NXF1: variants seen among roughly 807,000 people sequenced by gnomAD.
The protein encoded by NXF1 is mRNA export factor TAP.
Under a neutral mutation model 92.4 loss-of-function variants are expected in NXF1, and 43 were observed. The observed-to-expected ratio is 0.47, with a 90% CI of 0.36 to 0.60. The LOEUF is 0.60. Ranked by LOEUF, NXF1 falls within the 20% of genes least tolerant of loss-of-function variation. NXF1 has a pLI of 0.00. For synonymous variants in NXF1, 288 were observed against 292.2 expected, an observed-to-expected ratio of 0.99 and a Z score of 0.15; for missense variants, 576 against 793.0, an observed-to-expected ratio of 0.73 and a Z score of 3.29.
chr11:62,797,411 C>G, intron 11 of NXF1, 25 bp from the exon 12 acceptor site: 1 of 1,608,098 alleles, frequency 6.2e-7, no homozygotes, highest in South Asian at 1.1e-5. Flanking sequence ...TAAAAGTTGA[C>G]AGTGTAGACT....
In NXF1 at chr11:62,794,356, C is replaced by G; in HGVS notation, c.1662G>C (p.Thr554=). 6.2e-7 allele frequency: 1 copy of G among 1,614,134 alleles called. No individual in the cohort carries two copies. Among genetic ancestry groups the G allele is most frequent in the Non-Finnish European group, 8.5e-7 (1 of 1,180,002 alleles). Residue 554 remains threonine, a synonymous_variant, in exon 19 of 21, where the codon ACG becomes ACC. Coordinates refer to ENST00000294172, the MANE Select transcript of NXF1 (RefSeq NM_006362.5). ...IQRAFAMPAP[T]PSSSPVPTLS... ...GGGTGGGCACCGGGCTGGAGGAAGG[C>G]GTGGGTGCAGGCATAGCGAAGGCTC...
At position 62,793,819 on chromosome 11, in the gene NXF1, T is replaced by TAA. The variant is rs56389050; in HGVS notation, c.1760+437_1760+438dup. Among the ~76,000 whole-genome samples the TAA allele has an allele frequency of 2.1e-3, 180 of 86,492 alleles. 1 individual carries two copies. Among genetic ancestry groups the TAA allele is most frequent in the African/African-American group, 4.5e-3 (94 of 20,918 alleles). The allele number at this position is 86,492 out of a possible 152,430, so 56.7% of individuals were successfully genotyped here. ...CAACATGATGAAAGCCCGTCTCTAC[T>TAA]AAAAAAAAAAAAAAAAAAAAAAAAT... is the stretch of plus-strand genomic sequence containing the variant. On this transcript the variant is annotated intron_variant, in intron 19 of 20. Coordinates refer to ENST00000294172, the MANE Select transcript of NXF1 (RefSeq NM_006362.5).
chr11:62,802,095 G>A, intron 4 of NXF1, 49 bp from the exon 5 acceptor site: 1 of 1,605,126 alleles, frequency 6.2e-7, no homozygotes, highest in Non-Finnish European at 8.5e-7. Flanking sequence ...AGCCCTTGGG[G>A]AGGGGCATTA....
At position 62,792,737 on chromosome 11, in the gene NXF1, T is replaced by G. The variant is rs1469197439; in HGVS notation, c.1761-36A>C. ...AGAACAGGCAGCTCTGTAAGAACTC[T>G]GACTCGTAAATGCCAGCTGAAAGTC... On this transcript the variant is annotated intron_variant, in intron 19 of 20. Coordinates refer to ENST00000294172, the MANE Select transcript of NXF1 (RefSeq NM_006362.5). 1.9e-6 allele frequency: 3 copies of G among 1,609,282 alleles called. No individual in the cohort carries two copies. In the African/African-American group the frequency reaches 4.0e-5, roughly 22 times the overall value.
intron 10 of NXF1, chr11:62,799,984 G>A (rs897583049): frequency 4.0e-6 from 4 of 1,004,942 alleles, no homozygotes; most frequent in Non-Finnish European, 4.7e-6. Context: ...AGGTAGGGAG[G>A]GCTTCCTCAA....
intron 10 of NXF1, chr11:62,798,910 G>T: frequency 8.9e-7 from 1 of 1,117,346 alleles, no homozygotes; most frequent in Non-Finnish European, 1.1e-6. Context: ...CCCGGGAGGA[G>T]GGAATGGGGT....
In NXF1 at chr11:62,803,834, T is replaced by C. The variant is rs768745939; in HGVS notation, c.173A>G (p.Asp58Gly). 26 of 1,614,130 alleles carry C rather than the reference T, an allele frequency of 1.6e-5. No individual in the cohort carries two copies. Among genetic ancestry groups the C allele is most frequent in the Non-Finnish European group, 2.1e-5 (25 of 1,180,016 alleles). ...RSSRLEEDDG[D>G]VAMSDAQDGP... The stretch of plus-strand genomic sequence containing the variant: ...ATCCTGGGCATCACTCATTGCCACA[T>C]CTCCATCATCTTCCTCAAGGCGGGA... The change falls in exon 2 of 21, where the codon GAT becomes GGT. Residue 58 changes from aspartate to glycine, a missense_variant. Around this residue, in one of 2 missense-constraint regions of NXF1, gnomAD observed 151 missense variants for 157.8 expected, o/e 0.96. Transcript: ENST00000294172.
rs774256739 is a variant in NXF1, at chr11:62,801,444, G to A, written c.710-27C>T. ...TTCAGGAAGCAGAAGGGAAGGAAAG[G>A]GAAGACTGAGAGGGTTTGCCCATGC... On this transcript the variant is annotated intron_variant, in intron 7 of 20. Coordinates refer to ENST00000294172, the MANE Select transcript of NXF1 (RefSeq NM_006362.5). 21 of 1,612,780 alleles carry A rather than the reference G, an allele frequency of 1.3e-5. No individual in the cohort carries two copies. The East Asian group carries it at 2.7e-4, about 21-fold the overall frequency.
chr11:62,800,567 T>C, intron 9 of NXF1, 81 bp from the exon 10 acceptor site: 1 of 863,416 alleles, frequency 1.2e-6, no homozygotes. Flanking sequence ...GTCCCTACGC[T>C]TAGCTCTGAG....
At chr11:62,794,509 T>C in intron 18 of NXF1, 69 bp from the exon 19 acceptor site, 1 of 1,388,300 alleles carries the variant, frequency 7.2e-7, no homozygotes, top group Non-Finnish European at 1.0e-6. Flanking sequence ...ATTCCTATTC[T>C]CTGATTCTTT....
chr11:62,800,197 C>T, intron 10 of NXF1, 180 bp downstream of exon 10: 1 of 1,422,154 alleles, frequency 7.0e-7, no homozygotes, highest in Non-Finnish European at 9.2e-7. Flanking sequence ...GAGAGAACAT[C>T]TCAGGACAAA....
intron 10 of NXF1, chr11:62,799,089 GA>G (rs2084451485): frequency 2.0e-6 from 2 of 986,046 alleles, no homozygotes; most frequent in Non-Finnish European, 2.4e-6. Flanking sequence ...GGAAAAGGAG[GA>G]AAAAGAGAAA....
intron 18 of NXF1, 99 bp from the exon 19 acceptor site, chr11:62,794,539 C>T (rs1448059410): frequency 9.5e-7 from 1 of 1,052,440 alleles, no homozygotes; most frequent in Non-Finnish European, 1.4e-6. Flanking sequence ...CAAGGTCCCC[C>T]TCCCACTCTT....
intron 1 of NXF1, 57 bp from the exon 2 acceptor site, chr11:62,804,035 G>A: frequency 6.2e-7 from 1 of 1,600,650 alleles, no homozygotes; most frequent in South Asian, 1.1e-5. Context: ...GGTTTGGTGT[G>A]GCAATCATAG....
chr11:62,802,074 TG>T (rs1260344940), intron 4 of NXF1, 28 bp from the exon 5 acceptor site: 2 of 1,610,820 alleles, frequency 1.2e-6, no homozygotes, highest in Non-Finnish European at 1.7e-6. Context: ...AGCATTACAC[TG>T]GGAGTCCAGA....
rs1262230524 is a variant in NXF1 at position 62,796,025 on chromosome 11, C to T, written c.1461+41G>A. 3 of 1,609,906 alleles carry T rather than the reference C, an allele frequency of 1.9e-6. No homozygotes were observed. In the South Asian group the frequency reaches 3.3e-5, roughly 18 times the overall value. On this transcript the variant is annotated intron_variant, in intron 16 of 20. Transcript: ENST00000294172. ...CCTTGCCTATTAAATGCCACCCCCACCCCAATTCTAGGCTTCTGTCAGGCG... is the reference window on the plus strand; with the variant it reads ...CCTTGCCTATTAAATGCCACCCCCATCCCAATTCTAGGCTTCTGTCAGGCG...
intron 19 of NXF1, among the ~76,000 whole-genome samples, chr11:62,793,097 T>TTTA (rs2084383441): frequency 6.7e-6 from 1 of 148,576 alleles, no homozygotes; most frequent in Non-Finnish European, 1.5e-5. Context: ...TTTTTTTTTT[T>TTTA]GAGACCGAGT....
Position 62,792,478 on chromosome 11 carries a change from A to G in NXF1, c.1858T>C (p.Ter620ArgextTer2). Residue 620 changes from the stop codon to arginine (R), a stop_lost, in exon 21 of 21, where the codon TGA becomes CGA. Transcript: ENST00000294172. ...CTGCTTCTGAGGCATGACTACGATCACTTCATGAATGCCACTTCTGGGATC... is the reference window on the plus strand; with the variant it reads ...CTGCTTCTGAGGCATGACTACGATCGCTTCATGAATGCCACTTCTGGGATC... ...GEIPEVAFMK[*>R] 1 of 1,614,216 alleles carries G rather than the reference A, an allele frequency of 6.2e-7. No individual in the cohort carries two copies. The highest frequency in any genetic ancestry group is 1.1e-5 in the South Asian group (1 of 91,084).
At position 62,801,777 on chromosome 11, in the gene NXF1, G is replaced by C. The variant is rs2084481720; in HGVS notation, c.601C>G (p.Leu201Val). 5 of 1,614,028 alleles carry C rather than the reference G, an allele frequency of 3.1e-6. No homozygotes were observed. The highest frequency in any genetic ancestry group is 2.2e-5 in the South Asian group (2 of 91,078). ...INSSAPPHTI[L>V]NELKPEQVEQ... ...ACTTGTTCTGGCTTCAGTTCATTCA[G>C]TATAGTGTGGGGTGGAGCAGAAGAG... Residue 201 changes from leucine to valine, a missense_variant, in exon 6 of 21, where the codon CTG becomes GTG. Physicochemically the swap from Leu to Val is conservative, Grantham distance 32. This residue lies in a region of NXF1 where 425 missense variants were observed against 635.2 expected (regional missense o/e 0.67). Transcript: ENST00000294172.
Sources: allele counts gnomAD v4.1 joint callset (sites outside exome capture counted in the v4.1 genomes callset), GRCh38; gene constraint gnomAD v4.1.1; regional missense constraint gnomAD v4.1.1; transcripts MANE v1.5; gene names NCBI Gene and HGNC (gene_info 2026-07-23, HGNC 2026-07-21).